The following PRKX variants were observed in gnomAD, a reference collection of about 807,000 sequenced individuals.
PRKX encodes the protein protein kinase cAMP-dependent X-linked catalytic subunit.
A neutral mutation model predicts 22.0 loss-of-function variants in PRKX; 12 were observed. That is an observed-to-expected ratio of 0.54 (90% CI 0.35 to 0.88). The LOEUF (loss-of-function observed/expected upper bound fraction) is 0.88. Among genes scored for constraint, PRKX ranks in the 40% least tolerant of loss-of-function variants. PRKX has a pLI of 0.01. For missense variants in PRKX, 217 were observed against 308.0 expected (o/e 0.70, Z 2.21); for synonymous variants, 134 against 137.7 (o/e 0.97, Z 0.19).
chrX:3,690,021 T>C (rs1330990888), intron 1 of PRKX, among the ~76,000 whole-genome samples: 1 of 111,577 alleles, frequency 9.0e-6, no homozygotes, highest in Non-Finnish European at 1.9e-5. Context: ...ACTCTGTGAA[T>C]AAACTGAAAA....
chrX:3,613,318 G>A (rs1218060984), intron 7 of PRKX, among the ~76,000 whole-genome samples: 1 of 109,852 alleles, frequency 9.1e-6, no homozygotes, highest in Non-Finnish European at 1.9e-5. Context: ...AAGAATGCAT[G>A]TATCCATGTG....
intron 3 of PRKX, among the ~76,000 whole-genome samples, chrX:3,642,897 C>A (rs1331090794): frequency 9.7e-6 from 1 of 103,304 alleles, no homozygotes; most frequent in African/African-American, 3.6e-5. Context: ...ACTCCGGAGG[C>A]TGAGGCAGGA....
At chrX:3,611,946 A>C (rs1926304334) in intron 8 of PRKX, among the ~76,000 whole-genome samples, 1 of 111,208 alleles carries the variant, frequency 9.0e-6, no homozygotes, top group Admixed American at 9.7e-5. Flanking sequence ...TCTGATGCAG[A>C]ACATGGATTC....
intron 4 of PRKX, among the ~76,000 whole-genome samples, chrX:3,638,062 T>G (rs1004752646): frequency 9.0e-6 from 1 of 111,384 alleles, no homozygotes; most frequent in Admixed American, 9.6e-5. Flanking sequence ...GTGCCTGGCC[T>G]AATTATTCAT....
In PRKX at chrX:3,635,915, C is replaced by T. The variant is rs1926878485; in HGVS notation, c.719+5937G>A. ...CTTTACCTGACTCTTGAGTTAAACT[C>T]TCTGGGAGAATAAAACCACAGAAAT... is the stretch of plus-strand genomic sequence containing the variant. On this transcript the variant is annotated intron_variant, in intron 4 of 8. Coordinates refer to ENST00000262848, the MANE Select transcript of PRKX (RefSeq NM_005044.5). Among the ~76,000 whole-genome samples, 2 of 111,687 alleles carry T rather than the reference C, an allele frequency of 1.8e-5. 1 individual carries two copies. The highest frequency in any genetic ancestry group is 3.8e-5 in the Non-Finnish European group (2 of 53,162).
chrX:3,638,368 A>C (rs766107577), intron 4 of PRKX, among the ~76,000 whole-genome samples: 155 of 111,315 alleles, frequency 1.4e-3, no homozygotes, highest in Non-Finnish European at 2.5e-3. Flanking sequence ...ATAATAGTCT[A>C]CTCTATCCTA....
intron 6 of PRKX, among the ~76,000 whole-genome samples, chrX:3,618,438 C>G (rs1405810036): frequency 1.0e-5 from 1 of 97,192 alleles, no homozygotes; most frequent in Non-Finnish European, 2.0e-5. Flanking sequence ...GGCAACACAT[C>G]AAGACCCCAA....
At chrX:3,690,116 G>A (rs1459948799) in intron 1 of PRKX, among the ~76,000 whole-genome samples, 6 of 112,526 alleles carry the variant, frequency 5.3e-5, no homozygotes, top group Non-Finnish European at 1.1e-4. Flanking sequence ...AGAAAAGAAT[G>A]TATGCTTTGG....
intron 1 of PRKX, among the ~76,000 whole-genome samples, chrX:3,693,952 A>G (rs1414999383): frequency 9.2e-6 from 1 of 108,274 alleles, no homozygotes; most frequent in Non-Finnish European, 1.9e-5. Context: ...AAAAAAAAAA[A>G]AAAAAAAGAA....
intron 7 of PRKX, among the ~76,000 whole-genome samples, chrX:3,613,153 A>C (rs1370804495): frequency 2.0e-4 from 2 of 10,028 alleles, no homozygotes; most frequent in African/African-American, 2.4e-3. Flanking sequence ...TTCGTCTCAA[A>C]AAAAAAAAAA....
chrX:3,676,326 C>T (rs977780544), intron 1 of PRKX, among the ~76,000 whole-genome samples: 25 of 111,541 alleles, frequency 2.2e-4, no homozygotes, highest in African/African-American at 6.5e-4. Flanking sequence ...CAAATCTCAC[C>T]GATCAATATT....
rs900960977 is a variant in PRKX, at chrX:3,608,322, G to A, written c.*647C>T. 1 of 109,723 alleles carries A rather than the reference G, an allele frequency of 9.1e-6. No individual in the cohort carries two copies. The highest frequency in any genetic ancestry group is 3.3e-5 in the African/African-American group (1 of 30,110). The allele number at this position is 109,723 out of a possible 1,213,427, so 9.0% of individuals were successfully genotyped here. ...TTTGTTTCTTCTTTTAAAGTCTCAA[G>A]TTACCAGGTAAGAAGCACTAAAGAT... On this transcript the variant is annotated 3_prime_UTR_variant, in exon 9 of 9. Coordinates refer to ENST00000262848, the MANE Select transcript of PRKX (RefSeq NM_005044.5).
chrX:3,646,283 C>T (rs1927185841), intron 3 of PRKX, among the ~76,000 whole-genome samples: 1 of 106,291 alleles, frequency 9.4e-6, no homozygotes, highest in Admixed American at 9.9e-5. Context: ...CAGAGTGAGA[C>T]TCCGTCTCAA....
intron 2 of PRKX, among the ~76,000 whole-genome samples, chrX:3,661,741 G>A (rs1248806511): frequency 2.7e-5 from 3 of 112,213 alleles, no homozygotes; most frequent in African/African-American, 6.5e-5. Context: ...ATGTGCAGGG[G>A]CTGTGGGATA....
chrX:3,710,572 C>T (rs1193739518), intron 1 of PRKX, among the ~76,000 whole-genome samples: 1 of 111,448 alleles, frequency 9.0e-6, no homozygotes, highest in East Asian at 2.8e-4. Context: ...CAGGGTTTCA[C>T]CATGTTGGCC....
intron 1 of PRKX, among the ~76,000 whole-genome samples, chrX:3,684,465 GA>G (rs958013286): frequency 1.1e-4 from 12 of 107,375 alleles, no homozygotes; most frequent in Middle Eastern, 4.8e-3. Context: ...ACTCTCTGTT[GA>G]AAAAAAAAAT....
chrX:3,684,239 G>A (rs751716902), intron 1 of PRKX, among the ~76,000 whole-genome samples: 92 of 112,045 alleles, frequency 8.2e-4, no homozygotes, highest in African/African-American at 1.9e-3. Context: ...GCAACAGAGC[G>A]AGACTCCGTC....
intron 1 of PRKX, among the ~76,000 whole-genome samples, chrX:3,711,253 A>G (rs1443978841): frequency 9.1e-6 from 1 of 110,108 alleles, no homozygotes; most frequent in African/African-American, 3.3e-5. Flanking sequence ...AGCTCACAGG[A>G]AGTTATCCTT....
At chrX:3,702,693 CTTT>C (rs747061377) in intron 1 of PRKX, among the ~76,000 whole-genome samples, 2 of 89,061 alleles carry the variant, frequency 2.2e-5, no homozygotes, top group Non-Finnish European at 2.2e-5. Context: ...GTCTATTTTT[CTTT>C]TTTTTTTTTT....
Sources: allele counts gnomAD v4.1 joint callset (sites outside exome capture counted in the v4.1 genomes callset), GRCh38; gene constraint gnomAD v4.1.1; transcripts MANE v1.5; gene names NCBI Gene and HGNC (gene_info 2026-07-23, HGNC 2026-07-21).